Variants in ESR1 observed in about 807,000 individuals in gnomAD.
The protein encoded by ESR1 is estrogen receptor.
In ESR1, 12 loss-of-function variants were observed where a neutral mutation model predicts 52.7. The observed-to-expected ratio is 0.23, with a 90% CI of 0.15 to 0.37. ESR1 has a LOEUF of 0.37. Among genes scored for constraint, ESR1 ranks in the 10% least tolerant of loss-of-function variants. The pLI is 1.00. For synonymous variants in ESR1, 305 were observed against 316.8 expected, an observed-to-expected ratio of 0.96 and a Z score of 0.39; for missense variants, 584 against 779.7, an observed-to-expected ratio of 0.75 and a Z score of 2.99.
intron 4 of ESR1, among the ~76,000 whole-genome samples, chr6:151,945,238 C>T (rs945643068): frequency 6.6e-6 from 1 of 152,066 alleles, no homozygotes; most frequent in Non-Finnish European, 1.5e-5. Context: ...AAATAAACCA[C>T]ACAAAAAAAG....
chr6:152,050,420 C>A (rs2046588445), intron 5 of ESR1, among the ~76,000 whole-genome samples: 1 of 152,114 alleles, frequency 6.6e-6, no homozygotes, highest in African/African-American at 2.4e-5. Context: ...TTCAGAATAA[C>A]TCTAAGATGA....
rs146575012 is a variant in ESR1 at position 151,728,874 on chromosome 6, C to A, written c.-71+26869C>A. On this transcript the variant is annotated intron_variant, in intron 2 of 2. Transcript: ENST00000404742. ...CATAGATTAGTGTGAACCACATAAA[C>A]CAGTACTAAAATACAGGATTTGATC... 1.6e-3 allele frequency among the ~76,000 whole-genome samples: 238 copies of A among 152,232 alleles called. 1 individual carries two copies. The highest frequency in any genetic ancestry group is 5.3e-3 in the African/African-American group (220 of 41,542).
chr6:151,831,559 G>T (rs1171154105), intron 1 of ESR1, among the ~76,000 whole-genome samples: 1 of 152,128 alleles, frequency 6.6e-6, no homozygotes, highest in Non-Finnish European at 1.5e-5. Flanking sequence ...CTTTGGGTGG[G>T]CTCCCAAGGA....
At chr6:151,994,014 T>C (rs2041258886) in intron 4 of ESR1, among the ~76,000 whole-genome samples, 2 of 152,214 alleles carry the variant, frequency 1.3e-5, no homozygotes, top group East Asian at 3.8e-4. Flanking sequence ...ATATGCTTTA[T>C]ATGTACTAAC....
Position 151,986,933 on chromosome 6 carries a change from G to A in ESR1, c.1097-24723G>A, listed in dbSNP as rs187517005. Among the ~76,000 whole-genome samples, 781 of 151,710 alleles carry A rather than the reference G, an allele frequency of 5.1e-3. 8 individuals carry two copies. The highest frequency in any genetic ancestry group is 0.016 in the African/African-American group (682 of 41,352). On this transcript the variant is annotated intron_variant, in intron 4 of 7. Coordinates refer to ENST00000206249, the MANE Select transcript of ESR1 (RefSeq NM_000125.4). ...TGTGTGTGTGTGTGCACGCGAGCAC[G>A]TGTGTGTGTGTGCGCGCCCATGGGT...
chr6:151,958,869 G>A (rs1189465802), intron 4 of ESR1, among the ~76,000 whole-genome samples: 1 of 152,150 alleles, frequency 6.6e-6, no homozygotes, highest in Non-Finnish European at 1.5e-5. Context: ...CAGCTTTGAT[G>A]TCCTGAAGTT....
intron 2 of ESR1, among the ~76,000 whole-genome samples, chr6:151,846,651 A>G (rs1475427830): frequency 6.6e-6 from 1 of 152,234 alleles, no homozygotes; most frequent in Non-Finnish European, 1.5e-5. Context: ...GCTTGAAAGC[A>G]TACAAATTTT....
chr6:151,746,768 A>G (rs1783515206), intron 2 of ESR1, among the ~76,000 whole-genome samples: 1 of 152,244 alleles, frequency 6.6e-6, no homozygotes, highest in African/African-American at 2.4e-5. Flanking sequence ...TGGAGTGGGT[A>G]GAATAGTGGT....
At chr6:151,750,908 G>A (rs1259935507) in intron 2 of ESR1, among the ~76,000 whole-genome samples, 1 of 152,162 alleles carries the variant, frequency 6.6e-6, no homozygotes, top group Non-Finnish European at 1.5e-5. Flanking sequence ...ATTATTTGAG[G>A]AGAACCTGGA....
At chr6:151,734,653 C>T (rs1456210209) in intron 2 of ESR1, among the ~76,000 whole-genome samples, 2 of 151,874 alleles carry the variant, frequency 1.3e-5, no homozygotes, top group African/African-American at 2.4e-5. Context: ...GAGACAGTCT[C>T]TCTCTGTCAC....
chr6:151,874,847 G>T (rs1422469630), intron 2 of ESR1, among the ~76,000 whole-genome samples: 1 of 152,082 alleles, frequency 6.6e-6, no homozygotes, highest in Non-Finnish European at 1.5e-5. Context: ...GATGATTCAA[G>T]GAAACTGCTA....
At chr6:151,954,005 G>A (rs1166244426) in intron 4 of ESR1, among the ~76,000 whole-genome samples, 7 of 152,050 alleles carry the variant, frequency 4.6e-5, no homozygotes, top group African/African-American at 9.6e-5. Flanking sequence ...CTTTCACCCC[G>A]CCTCTAGCCC....
At chr6:151,835,477 T>G (rs540266879) in intron 1 of ESR1, among the ~76,000 whole-genome samples, 20 of 151,974 alleles carry the variant, frequency 1.3e-4, no homozygotes, top group African/African-American at 4.3e-4. Flanking sequence ...GGAAGTGGAG[T>G]GGTTGCCAGA....
At chr6:151,724,490 T>C (rs1781696687) in intron 2 of ESR1, among the ~76,000 whole-genome samples, 1 of 152,042 alleles carries the variant, frequency 6.6e-6, no homozygotes, top group Admixed American at 6.6e-5. Context: ...GAGATACACA[T>C]ACAGAAATGT....
At chr6:151,776,225 T>G (rs1461315281) in intron 2 of ESR1, among the ~76,000 whole-genome samples, 2 of 152,062 alleles carry the variant, frequency 1.3e-5, no homozygotes, top group Non-Finnish European at 2.9e-5. Context: ...GGGGACATAG[T>G]GCCTGGGTGG....
intron 2 of ESR1, among the ~76,000 whole-genome samples, chr6:151,718,210 A>G (rs1168991486): frequency 6.6e-6 from 1 of 152,236 alleles, no homozygotes; most frequent in African/African-American, 2.4e-5. Context: ...TACACAAAAG[A>G]TATACCTTCT....
In ESR1 at chr6:151,808,289, A is replaced by G; in HGVS notation, c.377A>G (p.Gln126Arg). 2 of 1,582,584 alleles carry G rather than the reference A, an allele frequency of 1.3e-6. No homozygotes were observed. The highest frequency in any genetic ancestry group is 8.6e-7 in the Non-Finnish European group (1 of 1,166,172). ...QLSPFLQPHG[Q>R]QVPYYLENEP... is the part of the protein sequence containing the mutation. The stretch of plus-strand genomic sequence containing the variant: ...TCGCCTTTCCTGCAGCCCCACGGCC[A>G]GCAGGTGCCCTACTACCTGGAGAAC... The change falls in exon 1 of 8, where the codon CAG (glutamine) becomes CGG (arginine). Residue 126 changes from glutamine (Q) to arginine (R), a missense_variant. By Grantham distance (43) the Gln-to-Arg change is conservative. Around this residue, in one of 6 missense-constraint regions of ESR1, gnomAD observed 251 missense variants for 246.1 expected, o/e 1.02. Coordinates refer to ENST00000206249, the MANE Select transcript of ESR1 (RefSeq NM_000125.4).
At chr6:151,828,685 C>G (rs1479083847) in intron 1 of ESR1, among the ~76,000 whole-genome samples, 1 of 152,080 alleles carries the variant, frequency 6.6e-6, no homozygotes, top group African/African-American at 2.4e-5. Context: ...GTCCAGACTC[C>G]AAAACTCTAA....
At chr6:151,933,765 T>A (rs1474398939) in intron 3 of ESR1, among the ~76,000 whole-genome samples, 1 of 152,216 alleles carries the variant, frequency 6.6e-6, no homozygotes, top group Non-Finnish European at 1.5e-5. Context: ...CAATTGTTTA[T>A]CTCTTTCCTG....
Sources: gnomAD v4.1 joint callset for allele counts (sites outside exome capture counted in the v4.1 genomes callset) on GRCh38, gnomAD v4.1.1 for gene constraint, gnomAD v4.1.1 regional missense constraint, MANE v1.5 for transcripts, NCBI Gene and HGNC (gene_info 2026-07-23, HGNC 2026-07-21) for gene names.